AKR1C8: variants seen among roughly 807,000 people sequenced by gnomAD.
AKR1C8 encodes the protein aldo-keto reductase family 1 member C8.
chr10:5,178,275 T>C, the AKR1C8 span, among the ~76,000 whole-genome samples: 4 of 152,300 alleles, frequency 2.6e-5, no homozygotes, highest in South Asian at 2.1e-4. Context: ...TCAGTTTCCA[T>C]GTAGTTGAGC....
At chr10:5,168,024 T>A in the AKR1C8 span, among the ~76,000 whole-genome samples, 2 of 150,958 alleles carry the variant, frequency 1.3e-5, no homozygotes, top group Non-Finnish European at 3.0e-5. Context: ...TCCACCAGAT[T>A]AAAAAAAAAG....
chr10:5,178,552 A>G, the AKR1C8 span, among the ~76,000 whole-genome samples: 107 of 152,182 alleles, frequency 7.0e-4, no homozygotes, highest in African/African-American at 2.6e-3. Context: ...TTTCTGTCTC[A>G]TTGATCTGTC....
the AKR1C8 span, among the ~76,000 whole-genome samples, chr10:5,167,670 C>A: frequency 4.6e-5 from 7 of 152,034 alleles, no homozygotes; most frequent in African/African-American, 1.7e-4. Context: ...TGGAGATATA[C>A]CTAATGTTAA....
the AKR1C8 span, among the ~76,000 whole-genome samples, chr10:5,169,537 T>C: frequency 0.013 from 1,053 of 80,602 alleles, 15 homozygotes; most frequent in African/African-American, 0.042. Context: ...GAGACAGAAG[T>C]AACATTTTTT....
chr10:5,144,847 T>C, the AKR1C8 span, among the ~76,000 whole-genome samples: 1 of 152,210 alleles, frequency 6.6e-6, no homozygotes, highest in Non-Finnish European at 1.5e-5. Context: ...CTTTTCTTAA[T>C]TGACTACGCT....
the AKR1C8 span, among the ~76,000 whole-genome samples, chr10:5,165,185 C>T: frequency 6.6e-6 from 1 of 152,166 alleles, no homozygotes; most frequent in Non-Finnish European, 1.5e-5. Context: ...CCTCCCTCTC[C>T]ATTTGGGTTG....
At chr10:5,123,289 G>C in the AKR1C8 span, 10 of 240,668 alleles carry the variant, frequency 4.2e-5, no homozygotes, top group Non-Finnish European at 8.1e-5. Context: ...TGTTCTCTCT[G>C]ATCTGCTGTT....
chr10:5,119,367 T>A, the AKR1C8 span, among the ~76,000 whole-genome samples: 1 of 152,180 alleles, frequency 6.6e-6, no homozygotes, highest in Non-Finnish European at 1.5e-5. Flanking sequence ...AAATACTTGT[T>A]ACTTCTGTTA....
chr10:5,129,096 G>A, the AKR1C8 span, among the ~76,000 whole-genome samples: 1 of 151,802 alleles, frequency 6.6e-6, no homozygotes, highest in African/African-American at 2.4e-5. Context: ...AGAACACAGT[G>A]GAATAAAACT....
At chr10:5,145,599 G>C in the AKR1C8 span, among the ~76,000 whole-genome samples, 6 of 152,282 alleles carry the variant, frequency 3.9e-5, no homozygotes, top group Admixed American at 3.3e-4. Context: ...ATGAAAAAAT[G>C]CTCATCATCA....
the AKR1C8 span, chr10:5,161,866 A>C: frequency 3.7e-6 from 2 of 533,970 alleles, no homozygotes; most frequent in Non-Finnish European, 7.7e-6. Context: ...CTTCATAGCA[A>C]ATGGTACATG....
the AKR1C8 span, among the ~76,000 whole-genome samples, chr10:5,151,862 G>A: frequency 1.3e-5 from 2 of 152,002 alleles, no homozygotes; most frequent in African/African-American, 4.8e-5. Flanking sequence ...CAGCCCCTTT[G>A]AGTTTTATAA....
the AKR1C8 span, among the ~76,000 whole-genome samples, chr10:5,120,081 G>T: frequency 6.6e-6 from 1 of 152,202 alleles, no homozygotes; most frequent in South Asian, 2.1e-4. Flanking sequence ...GCAAGGAACA[G>T]CTGGCCCACC....
chr10:5,161,695 T>C, the AKR1C8 span: 1 of 533,228 alleles, frequency 1.9e-6, no homozygotes, highest in African/African-American at 1.9e-5. Context: ...AGTCACTCAA[T>C]TGTGAAAGAT....
the AKR1C8 span, among the ~76,000 whole-genome samples, chr10:5,167,024 C>A: frequency 3.3e-5 from 5 of 151,938 alleles, no homozygotes; most frequent in East Asian, 9.7e-4. Context: ...CCAAAAGACA[C>A]ATGAAAAAAT....
chr10:5,178,122 T>C, the AKR1C8 span, among the ~76,000 whole-genome samples: 4 of 152,188 alleles, frequency 2.6e-5, no homozygotes, highest in Admixed American at 6.5e-5. Flanking sequence ...CATTTAGTGC[T>C]ATAAATTTCC....
chr10:5,145,456 G>A, the AKR1C8 span, among the ~76,000 whole-genome samples: 1 of 152,166 alleles, frequency 6.6e-6, no homozygotes, highest in Middle Eastern at 3.4e-3. Flanking sequence ...ATCTGATAAA[G>A]GGCTAATATC....
At chr10:5,116,644 TA>T in the AKR1C8 span, among the ~76,000 whole-genome samples, 3 of 152,192 alleles carry the variant, frequency 2.0e-5, no homozygotes, top group African/African-American at 4.8e-5. Flanking sequence ...CATGAATCAC[TA>T]TATAATCACA....
the AKR1C8 span, among the ~76,000 whole-genome samples, chr10:5,148,510 A>G: frequency 6.6e-6 from 1 of 152,168 alleles, no homozygotes; most frequent in African/African-American, 2.4e-5. Context: ...GGGAACTGCA[A>G]TATCTAAAGG....
Sources: gnomAD v4.1 joint callset for allele counts (sites outside exome capture counted in the v4.1 genomes callset) on GRCh38, gnomAD v4.1.1 for gene constraint, MANE v1.5 for transcripts, NCBI Gene and HGNC (gene_info 2026-07-23, HGNC 2026-07-21) for gene names.